Variants in CENPN observed in about 807,000 individuals in gnomAD.
The protein encoded by CENPN is centromere protein N, also known as interphase centromere complex protein 32.
In CENPN, 36 loss-of-function variants were observed where a neutral mutation model predicts 48.6. The ratio of observed to expected loss-of-function variants is 0.74; its 90% CI spans 0.57 to 0.98. The LOEUF is 0.98. CENPN is among the 50% of genes least tolerant of loss of function. CENPN has a pLI of 0.00. For missense variants in CENPN, 439 were observed against 399.2 expected, an observed-to-expected ratio of 1.10 and a Z score of -0.85; for synonymous variants, 166 against 135.2, an observed-to-expected ratio of 1.23 and a Z score of -1.58.
intron 9 of CENPN, 52 bp downstream of exon 9, chr16:81,026,690 G>A: frequency 1.1e-6 from 1 of 887,684 alleles, no homozygotes. Flanking sequence ...TGTTTAAAAA[G>A]AACAAAAACC....
At chr16:81,017,922 T>A (rs773619577) in intron 5 of CENPN, 88 bp downstream of exon 5, 14 of 744,274 alleles carry the variant, frequency 1.9e-5, no homozygotes, top group Non-Finnish European at 3.1e-5. Flanking sequence ...TTTTTTTTAA[T>A]TTGTAAGAAA....
chr16:81,022,761 G>T (rs890575759), intron 7 of CENPN, 63 bp downstream of exon 7: 1 of 1,614,064 alleles, frequency 6.2e-7, no homozygotes, highest in African/African-American at 1.3e-5. Context: ...ACAGGAGTTA[G>T]AAGCTACTGG....
At position 81,029,729 on chromosome 16, in the gene CENPN, C is replaced by A. The variant is rs1970681752; in HGVS notation, c.*1078C>A. 6.6e-6 allele frequency among the ~76,000 whole-genome samples: 1 copy of A among 152,178 alleles called. No individual in the cohort carries two copies. Among genetic ancestry groups the A allele is most frequent in the Non-Finnish European group, 1.5e-5 (1 of 68,038 alleles). On this transcript the variant is annotated 3_prime_UTR_variant, in exon 11 of 11. Transcript: ENST00000305850. ...AGCTGGGACTACAGGCCTGCACCACCATGCCCAGCTAATTTTTGTATTTTT... is the reference window on the plus strand; with the variant it reads ...AGCTGGGACTACAGGCCTGCACCACAATGCCCAGCTAATTTTTGTATTTTT...
chr16:81,027,632 C>T (rs2602426), intron 9 of CENPN, among the ~76,000 whole-genome samples: 97,949 of 151,802 alleles, frequency 0.65, 33,711 homozygotes, highest in South Asian at 0.8. Flanking sequence ...GTCAGTATCT[C>T]CCATGTAGCA....
In CENPN at chr16:81,018,398, T is replaced by G. The variant is rs141301873; in HGVS notation, c.354+564T>G. On this transcript the variant is annotated intron_variant, in intron 5 of 10. Coordinates refer to ENST00000305850, the MANE Select transcript of CENPN (RefSeq NM_001100624.3). ...CATGTTGACCAGGCTGGTCTCGAAC[T>G]CCTAACCTCAGATGATCTGCCTGCC... Among the ~76,000 whole-genome samples the G allele has an allele frequency of 9.6e-3, 1,467 of 152,198 alleles. 20 individuals carry two copies. Among genetic ancestry groups the G allele is most frequent in the African/African-American group, 0.033 (1,364 of 41,526 alleles).
Position 81,022,071 on chromosome 16 carries a change from A to C in CENPN, c.532-526A>C, listed in dbSNP as rs1970238394. On this transcript the variant is annotated intron_variant, in intron 6 of 10. Transcript: ENST00000305850. ...ACTGCGCGGACTAATGTTCATTTCT[A>C]TTGTGTATCTTAAGGCAAACTTGTC... is the stretch of plus-strand genomic sequence containing the variant. Among the ~76,000 whole-genome samples the C allele has an allele frequency of 2.0e-5, 3 of 152,178 alleles. No homozygotes were observed. The South Asian group carries it at 6.2e-4, about 32-fold the overall frequency.
chr16:81,026,187 ATATATATGTATATATATGTGTGTG>A (rs1970482850), intron 8 of CENPN, among the ~76,000 whole-genome samples: 1 of 145,564 alleles, frequency 6.9e-6, no homozygotes, highest in African/African-American at 2.5e-5. Flanking sequence ...ATGTGTGTGT[ATATATATGTATATATATGTGTGTG>A]TATATATATA....
chr16:81,007,550 G>C (rs1969485847), intron 1 of CENPN: 1 of 152,262 alleles, frequency 6.6e-6, no homozygotes. Flanking sequence ...GGGCCGTGTG[G>C]TCATGTGACC....
chr16:81,017,128 A>C (rs1233160886), intron 3 of CENPN, 198 bp from the exon 4 acceptor site: 2 of 465,350 alleles, frequency 4.3e-6, no homozygotes, highest in Non-Finnish European at 7.5e-6. Context: ...AAGTCAGTTG[A>C]ATTAAGTAAT....
At chr16:81,028,479 T>C in intron 10 of CENPN, 90 bp from the exon 11 acceptor site, 2 of 1,560,234 alleles carry the variant, frequency 1.3e-6, no homozygotes, top group South Asian at 2.4e-5. Flanking sequence ...ATCCACCCTC[T>C]AATCTCAGCC....
chr16:81,021,508 T>C (rs1273002849), intron 6 of CENPN, among the ~76,000 whole-genome samples: 2 of 152,276 alleles, frequency 1.3e-5, no homozygotes, highest in African/African-American at 4.8e-5. Flanking sequence ...GGAGGTGCGG[T>C]GTGGAGTACC....
At chr16:81,020,678 A>G (rs1454462799) in intron 6 of CENPN, among the ~76,000 whole-genome samples, 3 of 152,216 alleles carry the variant, frequency 2.0e-5, no homozygotes, top group African/African-American at 4.8e-5. Flanking sequence ...AATGCAACCG[A>G]TACAGAAGTC....
intron 3 of CENPN, 53 bp downstream of exon 3, chr16:81,014,234 ATT>A (rs761235004): frequency 1.4e-5 from 21 of 1,501,766 alleles, no homozygotes; most frequent in Non-Finnish European, 1.9e-5. Context: ...ATTAGAGGCA[ATT>A]TTGTTTCTTT....
At position 81,011,437 on chromosome 16, in the gene CENPN, C is replaced by A. The variant is rs746338075; in HGVS notation, c.-10-493C>A. On this transcript the variant is annotated intron_variant, in intron 1 of 10. Coordinates refer to ENST00000305850, the MANE Select transcript of CENPN (RefSeq NM_001100624.3). ...TCTTTTTGGCCAAAGACATATGTAT[C>A]CCCAGTGCCTAGAAAAGGGCCTGGC... 4.6e-5 allele frequency among the ~76,000 whole-genome samples: 7 copies of A among 152,292 alleles called. No homozygotes were observed. The East Asian group carries it at 9.7e-4, about 21-fold the overall frequency.
chr16:81,021,634 C>T (rs553351065), intron 6 of CENPN, among the ~76,000 whole-genome samples: 4 of 152,262 alleles, frequency 2.6e-5, no homozygotes, highest in African/African-American at 9.6e-5. Flanking sequence ...CTTCTATTTC[C>T]TTAAAACACT....
chr16:81,027,755 A>G (rs1970574950), intron 9 of CENPN, among the ~76,000 whole-genome samples: 1 of 152,130 alleles, frequency 6.6e-6, no homozygotes, highest in Non-Finnish European at 1.5e-5. Context: ...CCCAGGCTGG[A>G]GTGCAGTGGC....
At chr16:81,026,380 A>G (rs1440878152) in intron 8 of CENPN, 146 bp from the exon 9 acceptor site, 1 of 397,940 alleles carries the variant, frequency 2.5e-6, no homozygotes, top group East Asian at 4.0e-5. Context: ...TCCCTACACT[A>G]AGAAATTATT....
chr16:81,015,694 T>C (rs887435201), intron 3 of CENPN, among the ~76,000 whole-genome samples: 5 of 152,278 alleles, frequency 3.3e-5, no homozygotes, highest in Middle Eastern at 3.4e-3. Flanking sequence ...CCATTTCTCA[T>C]ACATTGATTC....
intron 1 of CENPN, among the ~76,000 whole-genome samples, chr16:81,009,810 T>G (rs1322839880): frequency 1.3e-5 from 2 of 152,242 alleles, no homozygotes; most frequent in African/African-American, 4.8e-5. Flanking sequence ...CAGGCTTGTC[T>G]TAAACACAGA....
Sources: allele counts gnomAD v4.1 joint callset (sites outside exome capture counted in the v4.1 genomes callset), GRCh38; gene constraint gnomAD v4.1.1; transcripts MANE v1.5; gene names NCBI Gene and HGNC (gene_info 2026-07-23, HGNC 2026-07-21).